NTNG1: variants seen among roughly 807,000 people sequenced by gnomAD.
The protein encoded by NTNG1 is netrin G1.
Under a neutral mutation model 54.0 loss-of-function variants are expected in NTNG1, and 16 were observed. The ratio of observed to expected loss-of-function variants is 0.30; its 90% CI spans 0.20 to 0.45. The LOEUF is 0.45. NTNG1 is among the 20% of genes least tolerant of loss of function. The pLI is 1.00. For synonymous variants in NTNG1, 255 were observed against 263.1 expected (o/e 0.97, Z 0.30); for missense variants, 530 against 678.7 (o/e 0.78, Z 2.43).
At chr1:107,202,509 C>T (rs1471803589) in intron 2 of NTNG1, among the ~76,000 whole-genome samples, 2 of 151,728 alleles carry the variant, frequency 1.3e-5, no homozygotes, top group Non-Finnish European at 3.0e-5. Flanking sequence ...ACCTTGTTTT[C>T]TAAGACCTTA....
At chr1:107,465,034 T>C (rs1297695188) in intron 7 of NTNG1, among the ~76,000 whole-genome samples, 1 of 152,050 alleles carries the variant, frequency 6.6e-6, no homozygotes, top group Non-Finnish European at 1.5e-5. Context: ...CTCACCACAA[T>C]ACAAGAAACA....
intron 2 of NTNG1, among the ~76,000 whole-genome samples, chr1:107,169,290 C>G (rs1383383668): frequency 6.6e-6 from 1 of 152,142 alleles, no homozygotes; most frequent in Non-Finnish European, 1.5e-5. Flanking sequence ...TACACAGTAG[C>G]AATGCTTCCA....
intron 2 of NTNG1, among the ~76,000 whole-genome samples, chr1:107,272,395 C>G (rs747986226): frequency 1.3e-5 from 2 of 152,250 alleles, no homozygotes; most frequent in Non-Finnish European, 2.9e-5. Flanking sequence ...TGCTCCACCA[C>G]TATTTAGCTC....
intron 3 of NTNG1, among the ~76,000 whole-genome samples, chr1:107,354,038 G>A (rs1036702602): frequency 6.6e-6 from 1 of 152,066 alleles, no homozygotes; most frequent in African/African-American, 2.4e-5. Context: ...CCAACACTGG[G>A]GATTACAATT....
chr1:107,386,074 CAT>C (rs1671951576), intron 3 of NTNG1, among the ~76,000 whole-genome samples: 1 of 142,430 alleles, frequency 7.0e-6, no homozygotes, highest in Non-Finnish European at 1.5e-5. Flanking sequence ...TGTATATATA[CAT>C]ATATATACTT....
chr1:107,479,743 A>G (rs1304828631), intron 7 of NTNG1, among the ~76,000 whole-genome samples: 1 of 152,226 alleles, frequency 6.6e-6, no homozygotes, highest in East Asian at 1.9e-4. Context: ...TTGAAGAAAT[A>G]AGAAATTATT....
chr1:107,374,422 A>T (rs1014992703), intron 3 of NTNG1, among the ~76,000 whole-genome samples: 9 of 152,040 alleles, frequency 5.9e-5, no homozygotes, highest in Admixed American at 5.2e-4. Context: ...TTGCATTTTT[A>T]AAAATTTTTT....
chr1:107,277,019 C>G (rs1055135550), intron 2 of NTNG1, among the ~76,000 whole-genome samples: 4 of 152,002 alleles, frequency 2.6e-5, no homozygotes, highest in Non-Finnish European at 5.9e-5. Flanking sequence ...TGTCAGATCA[C>G]CATGCAGGTT....
At chr1:107,407,916 G>A (rs1379899571) in intron 5 of NTNG1, 1 of 729,314 alleles carries the variant, frequency 1.4e-6, no homozygotes, top group Admixed American at 1.7e-5. Flanking sequence ...CCATGAACAT[G>A]GCAGTGCTAT....
chr1:107,302,639 T>C lies in NTNG1; in HGVS notation c.247-21643T>C, dbSNP rs191512925. Among the ~76,000 whole-genome samples the C allele has an allele frequency of 1.3e-3, 189 of 151,162 alleles. 1 individual carries two copies. The highest frequency in any genetic ancestry group is 4.4e-3 in the African/African-American group (184 of 41,478). On this transcript the variant is annotated intron_variant, in intron 2 of 7. Coordinates refer to ENST00000370068, the MANE Select transcript of NTNG1 (RefSeq NM_001113226.3). ...CTTAATATATGTCAGAATAGTACAG[T>C]TGAAAAATAATATTGACCCACTTTA... is the stretch of plus-strand genomic sequence containing the variant.
At chr1:107,167,404 C>T (rs550891413) in intron 2 of NTNG1, among the ~76,000 whole-genome samples, 116 of 151,596 alleles carry the variant, frequency 7.7e-4, no homozygotes, top group African/African-American at 2.7e-3. Flanking sequence ...GTTAAAATTT[C>T]GAAAGTGCCT....
chr1:107,297,126 TATATATATATAACATC>T (rs919026550), intron 2 of NTNG1, among the ~76,000 whole-genome samples: 2 of 144,004 alleles, frequency 1.4e-5, no homozygotes, highest in Non-Finnish European at 3.0e-5. Context: ...AACACACACA[TATATATATATAACATC>T]ATATATATAT....
At chr1:107,304,842 C>T (rs745404145) in intron 2 of NTNG1, among the ~76,000 whole-genome samples, 2 of 151,896 alleles carry the variant, frequency 1.3e-5, no homozygotes, top group Admixed American at 6.6e-5. Context: ...CTCATCAACT[C>T]ATCATCTACA....
chr1:107,332,154 G>A (rs6670042), intron 3 of NTNG1, among the ~76,000 whole-genome samples: 118,760 of 151,996 alleles, frequency 0.78, 48,236 homozygotes, highest in Non-Finnish European at 0.9. Context: ...GAGAATATAT[G>A]CATAAGCAGC....
At chr1:107,457,455 T>C (rs1386161494) in intron 7 of NTNG1, among the ~76,000 whole-genome samples, 1 of 152,208 alleles carries the variant, frequency 6.6e-6, no homozygotes, top group Non-Finnish European at 1.5e-5. Context: ...CACAGTTATG[T>C]TGATTGTGTG....
chr1:107,457,587 A>T (rs1677032805), intron 7 of NTNG1, among the ~76,000 whole-genome samples: 1 of 152,012 alleles, frequency 6.6e-6, no homozygotes, highest in African/African-American at 2.4e-5. Flanking sequence ...TGGGGGTGGG[A>T]TTGTTTTCCT....
At chr1:107,336,916 A>G (rs1009241335) in intron 3 of NTNG1, among the ~76,000 whole-genome samples, 1 of 152,142 alleles carries the variant, frequency 6.6e-6, no homozygotes, top group South Asian at 2.1e-4. Context: ...CAAAACCACA[A>G]TGAAATACCA....
chr1:107,167,878 AAACTT>A (rs1301870639), intron 2 of NTNG1, among the ~76,000 whole-genome samples: 1 of 152,060 alleles, frequency 6.6e-6, no homozygotes, highest in Non-Finnish European at 1.5e-5. Flanking sequence ...AAACAAAACA[AAACTT>A]TACAGTCATA....
At chr1:107,278,218 G>T (rs1352507144) in intron 2 of NTNG1, among the ~76,000 whole-genome samples, 1 of 152,148 alleles carries the variant, frequency 6.6e-6, no homozygotes, top group African/African-American at 2.4e-5. Flanking sequence ...TTTCCAAGAA[G>T]TATTTCCTAA....
Sources: gnomAD v4.1 joint callset for allele counts (sites outside exome capture counted in the v4.1 genomes callset) on GRCh38, gnomAD v4.1.1 for gene constraint, MANE v1.5 for transcripts, NCBI Gene and HGNC (gene_info 2026-07-23, HGNC 2026-07-21) for gene names.